The following GPM6A variants were observed in gnomAD, a reference collection of about 807,000 sequenced individuals.
GPM6A encodes the protein neuronal membrane glycoprotein M6-a.
GPM6A carries 7 observed loss-of-function variants against 32.1 expected under a neutral mutation model. That is an observed-to-expected ratio of 0.22 (90% CI 0.12 to 0.41). GPM6A has a LOEUF of 0.41. Ranked by LOEUF, GPM6A falls within the 10% of genes least tolerant of loss-of-function variation. GPM6A has a pLI of 1.00. For missense variants in GPM6A, 235 were observed against 347.2 expected (o/e 0.68, Z 2.57); for synonymous variants, 130 against 123.4 (o/e 1.05, Z -0.35).
At chr4:175,725,048 G>T (rs1746333026) in intron 1 of GPM6A, among the ~76,000 whole-genome samples, 1 of 152,034 alleles carries the variant, frequency 6.6e-6, no homozygotes, top group African/African-American at 2.4e-5. Context: ...TGCTCAAATT[G>T]TATCCTGATT....
chr4:175,753,873 C>A (rs1338670570), intron 1 of GPM6A, among the ~76,000 whole-genome samples: 1 of 152,104 alleles, frequency 6.6e-6, no homozygotes, highest in Non-Finnish European at 1.5e-5. Flanking sequence ...CATCAAGCAT[C>A]AGCCTTTAGG....
intron 1 of GPM6A, among the ~76,000 whole-genome samples, chr4:176,001,619 G>C (rs936261682): frequency 6.6e-6 from 1 of 152,146 alleles, no homozygotes; most frequent in Non-Finnish European, 1.5e-5. Flanking sequence ...GAACTGCGCC[G>C]AACTCCACCG....
At chr4:176,002,344 GAGGAGAGCGAGTGACC>G (rs1287403377), upstream of GPM6A, 2 of 1,582,542 alleles carry the variant, frequency 1.3e-6, no homozygotes, top group Non-Finnish European at 1.7e-6. Context: ...GCAGTCCCCA[GAGGAGAGCGAGTGACC>G]AGACGCTGCG....
At chr4:175,972,746 C>T (rs78330376) in intron 1 of GPM6A, among the ~76,000 whole-genome samples, 3,045 of 152,092 alleles carry the variant, frequency 0.02, 58 homozygotes, top group African/African-American at 0.047. Context: ...TTTAGTGGTT[C>T]GAAACACTCC....
At position 175,731,042 on chromosome 4, in the gene GPM6A, G is replaced by A. The variant is rs183668416; in HGVS notation, c.38-29275C>T. Among the ~76,000 whole-genome samples the A allele has an allele frequency of 5.0e-3, 763 of 152,236 alleles. 3 individuals carry two copies. Among genetic ancestry groups the A allele is most frequent in the Non-Finnish European group, 8.2e-3 (558 of 68,018 alleles). On this transcript the variant is annotated intron_variant, in intron 1 of 6. Coordinates refer to ENST00000393658, the MANE Select transcript of GPM6A (RefSeq NM_201591.3). Reference sequence around the variant, plus strand: ...CATTCAAAGGGAACTTAGTGGGTCTGATTGCATCTCCATTGGCCCATTTCT... The same window carrying A: ...CATTCAAAGGGAACTTAGTGGGTCTAATTGCATCTCCATTGGCCCATTTCT...
chr4:175,804,033 TC>T (rs1344084450), intron 1 of GPM6A, among the ~76,000 whole-genome samples: 1 of 152,098 alleles, frequency 6.6e-6, no homozygotes, highest in Non-Finnish European at 1.5e-5. Context: ...ACTAAATGAA[TC>T]TGGCTTTGGT....
intron 1 of GPM6A, among the ~76,000 whole-genome samples, chr4:175,850,838 A>T (rs1259650831): frequency 6.7e-6 from 1 of 150,224 alleles, no homozygotes; most frequent in African/African-American, 2.4e-5. Context: ...GTATTATATA[A>T]ATACAATATT....
Position 175,880,514 on chromosome 4 carries a change from C to T in GPM6A, c.-22-68265G>A, listed in dbSNP as rs544961457. On this transcript the variant is annotated intron_variant, in intron 1 of 7. Transcript: ENST00000280187. ...TTTCATGATATTGATTCTTCCTATC[C>T]ATGAGCATAGAATGTTCTTCCATTT... is the stretch of plus-strand genomic sequence containing the variant. Among the ~76,000 whole-genome samples the T allele has an allele frequency of 4.6e-5, 7 of 152,248 alleles. No individual in the cohort carries two copies. The East Asian group carries it at 1.2e-3, about 25-fold the overall frequency.
Position 175,673,770 on chromosome 4 carries a change from C to G in GPM6A, c.297G>C (p.Leu99=), listed in dbSNP as rs1743211843. The change falls in exon 3 of 7, where the codon CTG becomes CTC. Residue 99 remains leucine (L), a synonymous_variant. Coordinates refer to ENST00000393658, the MANE Select transcript of GPM6A (RefSeq NM_201591.3). ...CAGTTGTGAAGAAACCTTCCACCAT[C>G]AGCAAAATGCCATACACAAAGAACG... ...AAAFFVYGIL[L]MVEGFFTTGA... 2 of 1,612,654 alleles carry G rather than the reference C, an allele frequency of 1.2e-6. No homozygotes were observed. The highest frequency in any genetic ancestry group is 1.7e-6 in the Non-Finnish European group (2 of 1,178,844).
At chr4:175,787,393 A>G (rs1368865822) in intron 1 of GPM6A, 3 of 1,534,598 alleles carry the variant, frequency 2.0e-6, no homozygotes, top group Non-Finnish European at 2.6e-6. Flanking sequence ...TGTGAACTCT[A>G]TTTTCCCTTG....
chr4:175,690,753 C>T (rs1744251528), intron 2 of GPM6A, among the ~76,000 whole-genome samples: 1 of 152,176 alleles, frequency 6.6e-6, no homozygotes, highest in African/African-American at 2.4e-5. Context: ...GATCTGCTCA[C>T]CTCAGGATTC....
At chr4:175,774,879 A>G (rs1436125576) in intron 1 of GPM6A, among the ~76,000 whole-genome samples, 2 of 152,104 alleles carry the variant, frequency 1.3e-5, no homozygotes, top group African/African-American at 2.4e-5. Context: ...TATATAAAAA[A>G]ATTCTTAAAC....
intron 1 of GPM6A, among the ~76,000 whole-genome samples, chr4:175,852,137 C>T (rs1736278986): frequency 1.3e-5 from 2 of 152,020 alleles, no homozygotes; most frequent in Non-Finnish European, 2.9e-5. Flanking sequence ...AGGATGAGAC[C>T]AGAAAGTGAA....
At chr4:175,645,049 G>A (rs1203683652) in intron 4 of GPM6A, among the ~76,000 whole-genome samples, 2 of 152,090 alleles carry the variant, frequency 1.3e-5, no homozygotes, top group East Asian at 1.9e-4. Flanking sequence ...GCAGTGAGAC[G>A]AGATCACGCC....
intron 1 of GPM6A, among the ~76,000 whole-genome samples, chr4:175,707,954 A>G (rs1390239216): frequency 6.6e-6 from 1 of 152,020 alleles, no homozygotes; most frequent in Non-Finnish European, 1.5e-5. Flanking sequence ...CATTCATGAG[A>G]AAAAAAATGG....
intron 1 of GPM6A, among the ~76,000 whole-genome samples, chr4:175,725,418 A>G (rs1295310117): frequency 1.3e-5 from 2 of 151,838 alleles, no homozygotes; most frequent in Non-Finnish European, 1.5e-5. Flanking sequence ...CAGCCTCCCA[A>G]GTAGCTGGGA....
At chr4:175,704,139 A>G (rs1011010858) in intron 1 of GPM6A, among the ~76,000 whole-genome samples, 25 of 152,156 alleles carry the variant, frequency 1.6e-4, no homozygotes, top group African/African-American at 5.1e-4. Flanking sequence ...AGATTGAGCT[A>G]GTCTGCTATT....
intron 2 of GPM6A, among the ~76,000 whole-genome samples, chr4:175,677,700 C>G (rs112799672): frequency 4.7e-4 from 72 of 152,174 alleles, no homozygotes; most frequent in Non-Finnish European, 8.1e-4. Flanking sequence ...TAAAAATTTT[C>G]TGATGTAATT....
chr4:175,731,472 T>C (rs1479088251), intron 1 of GPM6A, among the ~76,000 whole-genome samples: 1 of 152,052 alleles, frequency 6.6e-6, no homozygotes, highest in African/African-American at 2.4e-5. Flanking sequence ...TTTGATTCTT[T>C]AAGGAATGTC....
Sources: gnomAD v4.1 joint callset for allele counts (sites outside exome capture counted in the v4.1 genomes callset) on GRCh38, gnomAD v4.1.1 for gene constraint, MANE v1.5 for transcripts, NCBI Gene and HGNC (gene_info 2026-07-23, HGNC 2026-07-21) for gene names.